The following RAN variants were observed in gnomAD, a reference collection of about 807,000 sequenced individuals.
The protein encoded by RAN is RAN, member RAS oncogene family.
In RAN, 2 loss-of-function variants were observed where a neutral mutation model predicts 26.8. The observed-to-expected ratio is 0.07, with a 90% CI of 0.03 to 0.23. RAN has a LOEUF of 0.23. Among genes scored for constraint, RAN ranks in the 10% least tolerant of loss-of-function variants. The probability of loss-of-function intolerance (pLI) is 1.00; values close to 1 mark genes in which losing one functional copy is unlikely to be tolerated. For synonymous variants in RAN, 132 were observed against 95.9 expected (o/e 1.38, Z -2.20); for missense variants, 56 against 264.8 (o/e 0.21, Z 5.47).
rs1413535548 is a variant in RAN at position 130,876,570 on chromosome 12, C to G, written c.*644C>G. 6.6e-6 allele frequency: 1 copy of G among 152,332 alleles called. No homozygotes were observed. Among genetic ancestry groups the G allele is most frequent in the Admixed American group, 6.5e-5 (1 of 15,274 alleles). The allele number at this position is 152,332 out of a possible 1,614,324, so 9.4% of individuals were successfully genotyped here. A position where few individuals can be genotyped will look rare whatever the true frequency, so the allele number is the denominator to read the frequency against. Reference sequence around the variant, plus strand: ...CTTCATATTGGCTAGGTAGGGTCACCTAGGGAAGCACTTGCTCAAAATCTG... The same window carrying G: ...CTTCATATTGGCTAGGTAGGGTCACGTAGGGAAGCACTTGCTCAAAATCTG... On this transcript the variant is annotated 3_prime_UTR_variant, in exon 7 of 7. Transcript: ENST00000543796.
Position 130,873,142 on chromosome 12 carries a change from AC to A in RAN, c.247+15del, listed in dbSNP as rs1475969294. 2 of 1,613,990 alleles carry A rather than the reference AC, an allele frequency of 1.2e-6. No homozygotes were observed. The highest frequency in any genetic ancestry group is 2.7e-5 in the African/African-American group (2 of 74,924). On this transcript the variant is annotated intron_variant, in intron 4 of 6. Coordinates refer to ENST00000543796, the MANE Select transcript of RAN (RefSeq NM_006325.5). ...ATTATATCCAAGGTAGGCATTTGTAACTTGCTGAACGGTTTTTGAGAGGTTT... is the reference window on the plus strand; with the variant it reads ...ATTATATCCAAGGTAGGCATTTGTAATTGCTGAACGGTTTTTGAGAGGTTT...
chr12:130,873,249 G>A, intron 4 of RAN, 121 bp downstream of exon 4: 1 of 1,376,786 alleles, frequency 7.3e-7, no homozygotes, highest in African/African-American at 1.5e-5. Context: ...AAAAAGACAA[G>A]TGGACTTCGG....
intron 5 of RAN, 51 bp from the exon 6 acceptor site, chr12:130,875,558 ATCG>A: frequency 7.0e-7 from 1 of 1,436,208 alleles, no homozygotes; most frequent in South Asian, 1.4e-5. Flanking sequence ...TCCTAGAAAA[ATCG>A]TCATCTTAAT....
intron 5 of RAN, among the ~76,000 whole-genome samples, chr12:130,875,069 A>C (rs550616297): frequency 3.2e-4 from 49 of 152,182 alleles, no homozygotes; most frequent in African/African-American, 1.2e-3. Flanking sequence ...CAAGTGATCC[A>C]CTTGCCTTGG....
chr12:130,875,986 C>T lies in RAN; in HGVS notation c.*60C>T. Reference sequence around the variant, plus strand: ...TTTATAGGCAGCTGTCCTGTGATGTCAGCGGTGCAGCGTGTGTGCCACCTC... The same window carrying T: ...TTTATAGGCAGCTGTCCTGTGATGTTAGCGGTGCAGCGTGTGTGCCACCTC... On this transcript the variant is annotated 3_prime_UTR_variant, in exon 7 of 7. Coordinates refer to ENST00000543796, the MANE Select transcript of RAN (RefSeq NM_006325.5). 1.3e-6 allele frequency: 2 copies of T among 1,534,006 alleles called. No homozygotes were observed. Among genetic ancestry groups the T allele is most frequent in the East Asian group, 2.2e-5 (1 of 44,464 alleles).
chr12:130,875,536 T>C (rs745999064), intron 5 of RAN, 76 bp from the exon 6 acceptor site: 5 of 1,316,064 alleles, frequency 3.8e-6, no homozygotes, highest in Non-Finnish European at 5.2e-6. Context: ...AACATTTTCT[T>C]ATCTTGCAAT....
chr12:130,876,110 A>C lies in RAN; in HGVS notation c.*184A>C, dbSNP rs540678970. The C allele has an allele frequency of 1.1e-5, 7 of 650,788 alleles. No individual in the cohort carries two copies. In the African/African-American group the frequency reaches 1.3e-4, roughly 12 times the overall value. The allele number at this position is 650,788 out of a possible 1,614,324, so 40.3% of individuals were successfully genotyped here. A position where few individuals can be genotyped will look rare whatever the true frequency, so the allele number is the denominator to read the frequency against. Reference sequence around the variant, plus strand: ...ATGTGGCAGTTTAAAAAATAACTTCATTGTTTGGACCTGCATATTTAGCTG... The same window carrying C: ...ATGTGGCAGTTTAAAAAATAACTTCCTTGTTTGGACCTGCATATTTAGCTG... On this transcript the variant is annotated 3_prime_UTR_variant, in exon 7 of 7. Coordinates refer to ENST00000543796, the MANE Select transcript of RAN (RefSeq NM_006325.5).
intron 4 of RAN, chr12:130,874,325 G>A (rs1953197971): frequency 2.1e-6 from 1 of 468,356 alleles, no homozygotes; most frequent in Non-Finnish European, 3.7e-6. Context: ...TATTAATGGT[G>A]AAGTATATCA....
intron 2 of RAN, 76 bp from the exon 3 acceptor site, chr12:130,872,759 TG>T (rs1953163407): frequency 6.3e-7 from 1 of 1,583,966 alleles, no homozygotes; most frequent in Non-Finnish European, 8.7e-7. Context: ...GAGCCTGTGG[TG>T]GTTAAAGTTC....
At chr12:130,875,271 G>C (rs1009803050) in intron 5 of RAN, among the ~76,000 whole-genome samples, 2 of 152,200 alleles carry the variant, frequency 1.3e-5, no homozygotes, top group African/African-American at 4.8e-5. Context: ...GCCCAGGCAG[G>C]AGTGCAGTGG....
At chr12:130,872,553 G>C (rs1260192521) in intron 1 of RAN, 31 bp from the exon 2 acceptor site, 2 of 1,430,152 alleles carry the variant, frequency 1.4e-6, no homozygotes, top group Non-Finnish European at 1.8e-6. Context: ...GGGGCCGCGC[G>C]AGCGCTCGCC....
chr12:130,875,393 T>C (rs1162838812), intron 5 of RAN, among the ~76,000 whole-genome samples: 1 of 151,806 alleles, frequency 6.6e-6, no homozygotes, highest in Non-Finnish European at 1.5e-5. Flanking sequence ...ACCTAATTTG[T>C]TTTTTTGTGG....
intron 1 of RAN, 50 bp from the exon 2 acceptor site, chr12:130,872,534 A>C: frequency 2.2e-6 from 3 of 1,357,964 alleles, no homozygotes; most frequent in Non-Finnish European, 2.8e-6. Context: ...CGGGGCCGCC[A>C]TGGGCTGCGG....
At position 130,875,654 on chromosome 12, in the gene RAN, C is replaced by G; in HGVS notation, c.478C>G (p.Pro160Ala). The G allele has an allele frequency of 6.2e-7, 1 of 1,611,850 alleles. No individual in the cohort carries two copies. Among genetic ancestry groups the G allele is most frequent in the Non-Finnish European group, 8.5e-7 (1 of 1,179,240 alleles). ...CAAAAGTAACTACAACTTTGAAAAG[C>G]CCTTCCTCTGGCTTGCTAGGAAGCT... is the stretch of plus-strand genomic sequence containing the variant. ...SAKSNYNFEKPFLWLARKLIG... is the reference protein window; with the variant it reads ...SAKSNYNFEKAFLWLARKLIG... Residue 160 changes from proline to alanine, a missense_variant, in exon 6 of 7, where the codon CCC becomes GCC. Pro to Ala is a conservative substitution (Grantham distance 27). This residue lies in a region of RAN where 39 missense variants were observed against 248.7 expected (regional missense o/e 0.16). Transcript: ENST00000543796.
intron 1 of RAN, 139 bp from the exon 2 acceptor site, chr12:130,872,445 C>A: frequency 2.7e-6 from 1 of 373,236 alleles, no homozygotes; most frequent in Non-Finnish European, 3.9e-6. Context: ...CGCCTTCCCG[C>A]TCCCAGGCCT....
intron 2 of RAN, 47 bp downstream of exon 2, chr12:130,872,676 G>T: frequency 6.5e-7 from 1 of 1,527,718 alleles, no homozygotes; most frequent in South Asian, 1.3e-5. Flanking sequence ...GACCGCGTGC[G>T]ACTCGCGGGT....
intron 5 of RAN, among the ~76,000 whole-genome samples, chr12:130,875,000 T>C (rs1242402446): frequency 6.6e-6 from 1 of 152,078 alleles, no homozygotes; most frequent in Non-Finnish European, 1.5e-5. Context: ...TGTACTTTTT[T>C]TTCTAGTAGA....
chr12:130,875,681 A>G lies in RAN; in HGVS notation c.505A>G (p.Ile169Val). 3 of 1,613,940 alleles carry G rather than the reference A, an allele frequency of 1.9e-6. No individual in the cohort carries two copies. The highest frequency in any genetic ancestry group is 2.2e-5 in the East Asian group (1 of 44,892). The change falls in exon 6 of 7, where the codon ATT becomes GTT. Residue 169 changes from isoleucine to valine, a missense_variant. Physicochemically the swap from Ile to Val is conservative, Grantham distance 29 (BLOSUM62 3). This residue lies in a region of RAN where 39 missense variants were observed against 248.7 expected (regional missense o/e 0.16). Coordinates refer to ENST00000543796, the MANE Select transcript of RAN (RefSeq NM_006325.5). ...CTTCCTCTGGCTTGCTAGGAAGCTC[A>G]TTGGAGACCCTAACTTGGAATTTGT... is the stretch of plus-strand genomic sequence containing the variant. ...KPFLWLARKL[I>V]GDPNLEFVAM...
intron 1 of RAN, chr12:130,872,373 A>T: frequency 6.3e-6 from 1 of 159,552 alleles, no homozygotes; most frequent in Non-Finnish European, 1.3e-5. Context: ...TCCCGTTCCC[A>T]TCCCTACACC....
Sources: allele counts gnomAD v4.1 joint callset (sites outside exome capture counted in the v4.1 genomes callset), GRCh38; gene constraint gnomAD v4.1.1; regional missense constraint gnomAD v4.1.1; transcripts MANE v1.5; gene names NCBI Gene and HGNC (gene_info 2026-07-23, HGNC 2026-07-21).